Variants in VPS37C observed in about 807,000 individuals in gnomAD.
VPS37C encodes the protein VPS37C subunit of ESCRT-I, also known as vacuolar protein sorting-associated protein 37C.
A neutral mutation model predicts 16.1 loss-of-function variants in VPS37C; 9 were observed. The observed-to-expected ratio is 0.56, with a 90% CI of 0.34 to 0.97. The LOEUF is 0.97. Ranked by LOEUF, VPS37C falls within the 50% of genes least tolerant of loss-of-function variation. The probability of loss-of-function intolerance (pLI) is 0.02; values close to 1 mark genes in which losing one functional copy is unlikely to be tolerated. For missense variants in VPS37C, 479 were observed against 472.7 expected (o/e 1.01, Z -0.12); for synonymous variants, 207 against 206.4 (o/e 1.00, Z -0.02).
At chr11:61,157,743 A>C (rs486160) in intron 1 of VPS37C, among the ~76,000 whole-genome samples, 1 of 152,006 alleles carries the variant, frequency 6.6e-6, no homozygotes, top group African/African-American at 2.4e-5. Flanking sequence ...TTCATGATCA[A>C]TGATACAGCT....
At chr11:61,133,156 G>T in intron 4 of VPS37C, 99 bp downstream of exon 4, 2 of 1,347,438 alleles carry the variant, frequency 1.5e-6, no homozygotes, top group Non-Finnish European at 2.1e-6. Flanking sequence ...AAGCTCCCTT[G>T]TTCCATGCTT....
chr11:61,137,656 C>T (rs571572818), intron 2 of VPS37C, among the ~76,000 whole-genome samples: 1 of 152,292 alleles, frequency 6.6e-6, no homozygotes, highest in African/African-American at 2.4e-5. Flanking sequence ...TTGAGTCAGC[C>T]CTGGGGCTTC....
chr11:61,158,533 C>T (rs1853414525), intron 1 of VPS37C, among the ~76,000 whole-genome samples: 1 of 152,192 alleles, frequency 6.6e-6, no homozygotes, highest in South Asian at 2.1e-4. Context: ...AATTAGAAAT[C>T]AGTGTTTACC....
At chr11:61,133,382 G>C (rs1861308672) in intron 3 of VPS37C, 45 bp from the exon 4 acceptor site, 1 of 1,595,500 alleles carries the variant, frequency 6.3e-7, no homozygotes, top group Non-Finnish European at 8.6e-7. Context: ...AGTGCTTCCT[G>C]ATTCAGTGTT....
chr11:61,131,737 G>C lies in VPS37C; in HGVS notation c.*83C>G, dbSNP rs922560788. 33 of 1,233,142 alleles carry C rather than the reference G, an allele frequency of 2.7e-5. No individual in the cohort carries two copies. The African/African-American group carries it at 4.7e-4, about 17-fold the overall frequency. 76.4% of individuals were successfully genotyped at this position (1,233,142 alleles called of 1,614,324 possible). A position where few individuals can be genotyped will look rare whatever the true frequency, so the allele number is the denominator to read the frequency against. ...ACAGGGAGCACCAACGCCACTTCCA[G>C]TTGACCCTCGAATCTCGGCGATGGC... On this transcript the variant is annotated 3_prime_UTR_variant, in exon 5 of 5. Coordinates refer to ENST00000301765, the MANE Select transcript of VPS37C (RefSeq NM_017966.5).
chr11:61,136,668 T>C (rs1467832523), intron 2 of VPS37C, among the ~76,000 whole-genome samples: 1 of 152,208 alleles, frequency 6.6e-6, no homozygotes, highest in Non-Finnish European at 1.5e-5. Context: ...TGCTTCTGAA[T>C]TCAATCTGCC....
intron 1 of VPS37C, among the ~76,000 whole-genome samples, chr11:61,142,656 G>C (rs1787904): frequency 0.56 from 85,520 of 151,792 alleles, 24,959 homozygotes; most frequent in East Asian, 0.99. Context: ...AGAAAAGAGA[G>C]TGAAGAAAGA....
Position 61,131,701 on chromosome 11 carries a change from G to T in VPS37C, c.*119C>A. ...TGTCCCTCCAAGGCCTCTGGGTGCC[G>T]ACGCAAGTCCACAGGGAGCACCAAC... On this transcript the variant is annotated 3_prime_UTR_variant, in exon 5 of 5. Transcript: ENST00000301765. The T allele has an allele frequency of 8.2e-7, 1 of 1,219,800 alleles. No homozygotes were observed. Among genetic ancestry groups the T allele is most frequent in the South Asian group, 4.3e-5 (1 of 23,434 alleles). 75.6% of individuals were successfully genotyped at this position (1,219,800 alleles called of 1,614,324 possible). A position where few individuals can be genotyped will look rare whatever the true frequency, so the allele number is the denominator to read the frequency against.
In VPS37C at chr11:61,138,735, A is replaced by G; in HGVS notation, c.93+2T>C. On this transcript the variant is annotated splice_donor_variant, in intron 2 of 4. Coordinates refer to ENST00000301765, the MANE Select transcript of VPS37C (RefSeq NM_017966.5). LOFTEE classifies it high-confidence loss of function. ...TTGGGTCCCATACCAGCCTCCCTCT[A>G]CCTCAGGGGACTCCAGGGCCAGCTG... 6.2e-7 allele frequency: 1 copy of G among 1,613,944 alleles called. No individual in the cohort carries two copies. The highest frequency in any genetic ancestry group is 8.5e-7 in the Non-Finnish European group (1 of 1,179,930).
At chr11:61,148,632 C>G (rs886605850) in intron 1 of VPS37C, among the ~76,000 whole-genome samples, 3 of 151,266 alleles carry the variant, frequency 2.0e-5, no homozygotes, top group African/African-American at 7.3e-5. Flanking sequence ...TGATCCAAAG[C>G]AGCACTGAAC....
chr11:61,144,732 G>T (rs1051190618), intron 1 of VPS37C: 1 of 152,310 alleles, frequency 6.6e-6, no homozygotes, highest in East Asian at 1.9e-4. Flanking sequence ...TGGCCAGCTC[G>T]GCAGGGGAGA....
intron 1 of VPS37C, among the ~76,000 whole-genome samples, chr11:61,153,167 A>G (rs1853327556): frequency 6.6e-6 from 1 of 152,130 alleles, no homozygotes; most frequent in Non-Finnish European, 1.5e-5. Flanking sequence ...TAATCCCCAC[A>G]GGTGGAGGGA....
intron 1 of VPS37C, among the ~76,000 whole-genome samples, chr11:61,140,655 C>T (rs1861458897): frequency 6.6e-6 from 1 of 152,220 alleles, no homozygotes; most frequent in African/African-American, 2.4e-5. Flanking sequence ...GAGACTGACA[C>T]AGTTGGTCCA....
rs974006882 is a variant in VPS37C at position 61,150,001 on chromosome 11, C to T, written c.-6-11166G>A. Among the ~76,000 whole-genome samples, 3 of 152,270 alleles carry T rather than the reference C, an allele frequency of 2.0e-5. No homozygotes were observed. The East Asian group carries it at 5.8e-4, about 29-fold the overall frequency. On this transcript the variant is annotated intron_variant, in intron 1 of 4. Transcript: ENST00000301765. The stretch of plus-strand genomic sequence containing the variant: ...GAGCCCAGCACTCACACCCTGCCCC[C>T]TAGGTCGCTGGCTTGGCTTTGCTGA...
chr11:61,152,154 T>A (rs1414718311), intron 1 of VPS37C, among the ~76,000 whole-genome samples: 1 of 152,078 alleles, frequency 6.6e-6, no homozygotes, highest in African/African-American at 2.4e-5. Flanking sequence ...TCATGCAAGG[T>A]GTGTCTGTTC....
intron 1 of VPS37C, among the ~76,000 whole-genome samples, chr11:61,156,594 C>T (rs1853380354): frequency 6.6e-6 from 1 of 151,740 alleles, no homozygotes; most frequent in South Asian, 2.1e-4. Flanking sequence ...CAAAAAAAAA[C>T]AAAAACAAAA....
intron 1 of VPS37C, among the ~76,000 whole-genome samples, chr11:61,141,981 G>A (rs1213992305): frequency 3.3e-5 from 5 of 152,234 alleles, no homozygotes; most frequent in Non-Finnish European, 7.3e-5. Context: ...GTCTCCACAT[G>A]TGGGGAGGCC....
intron 1 of VPS37C, among the ~76,000 whole-genome samples, chr11:61,158,676 T>C (rs1002788045): frequency 1.3e-5 from 2 of 152,234 alleles, no homozygotes; most frequent in Non-Finnish European, 2.9e-5. Flanking sequence ...CCTACCTGCC[T>C]GAGCTATCTG....
At chr11:61,146,442 A>G (rs1853207841) in intron 1 of VPS37C, among the ~76,000 whole-genome samples, 2 of 152,260 alleles carry the variant, frequency 1.3e-5, no homozygotes, top group Admixed American at 6.5e-5. Flanking sequence ...AGCGTAACAG[A>G]GGCAGAGACC....
Sources: allele counts gnomAD v4.1 joint callset (sites outside exome capture counted in the v4.1 genomes callset), GRCh38; gene constraint gnomAD v4.1.1; transcripts MANE v1.5; gene names NCBI Gene and HGNC (gene_info 2026-07-23, HGNC 2026-07-21).